The following NAALADL2 variants were observed in gnomAD, a reference collection of about 807,000 sequenced individuals.
NAALADL2 encodes inactive N-acetylated-alpha-linked acidic dipeptidase-like protein 2.
In NAALADL2, 76 loss-of-function variants were observed where a neutral mutation model predicts 87.2. The observed-to-expected ratio is 0.87, with a 90% confidence interval of 0.72 to 1.05. The LOEUF (loss-of-function observed/expected upper bound fraction) is 1.05, where lower values mean the gene tolerates loss of function less well. NAALADL2 is among the 50% of genes least tolerant of loss of function. The probability of loss-of-function intolerance (pLI) is 0.00; values close to 1 mark genes in which losing one functional copy is unlikely to be tolerated. For synonymous variants in NAALADL2, 354 were observed against 331.0 expected (o/e 1.07, Z -0.75); for missense variants, 1,089 against 945.8 (o/e 1.15, Z -1.99).
intron 3 of NAALADL2, among the ~76,000 whole-genome samples, chr3:174,756,944 A>G (rs929442460): frequency 1.3e-4 from 17 of 134,914 alleles, no homozygotes; most frequent in African/African-American, 5.3e-4. Context: ...CTTGACACCT[A>G]TAGACAAAAA....
chr3:174,474,511 C>T (rs2108316868), intron 1 of NAALADL2, among the ~76,000 whole-genome samples: 1 of 152,088 alleles, frequency 6.6e-6, no homozygotes, highest in South Asian at 2.1e-4. Flanking sequence ...GTAAACTAAC[C>T]TTAACTATAA....
chr3:174,536,887 C>T (rs1721772357), intron 1 of NAALADL2, among the ~76,000 whole-genome samples: 1 of 152,090 alleles, frequency 6.6e-6, no homozygotes, highest in African/African-American at 2.4e-5. Context: ...TTCACATTCT[C>T]TTCCCCAATA....
At chr3:175,178,984 A>T (rs1178572292) in intron 2 of NAALADL2, among the ~76,000 whole-genome samples, 2 of 152,008 alleles carry the variant, frequency 1.3e-5, no homozygotes, top group East Asian at 3.9e-4. Flanking sequence ...ATTCTTACAG[A>T]CACTCTTCAC....
At chr3:175,166,818 C>T (rs1734076151) in intron 2 of NAALADL2, among the ~76,000 whole-genome samples, 1 of 152,024 alleles carries the variant, frequency 6.6e-6, no homozygotes, top group Non-Finnish European at 1.5e-5. Flanking sequence ...TCAAACTTTG[C>T]ATTTCTGAAA....
upstream of NAALADL2, among the ~76,000 whole-genome samples, chr3:174,855,997 T>C (rs1360844874): frequency 6.7e-6 from 1 of 150,246 alleles, no homozygotes; most frequent in African/African-American, 2.5e-5. Context: ...TATATATATA[T>C]ATATATGAGA....
chr3:175,585,386 A>C (rs73171404), intron 10 of NAALADL2, among the ~76,000 whole-genome samples: 27,140 of 152,134 alleles, frequency 0.18, 2,752 homozygotes, highest in African/African-American at 0.27. Context: ...ATTCATGGTG[A>C]AGTATAATGC....
intron 10 of NAALADL2, among the ~76,000 whole-genome samples, chr3:175,593,393 T>G (rs1582545798): frequency 6.6e-6 from 1 of 152,330 alleles, no homozygotes; most frequent in South Asian, 2.1e-4. Flanking sequence ...TAAGCATATT[T>G]GTATGGCACA....
chr3:174,882,638 C>CATATGTGCATATGCAT (rs1729446054), intron 1 of NAALADL2, among the ~76,000 whole-genome samples: 1 of 81,290 alleles, frequency 1.2e-5, no homozygotes, highest in Non-Finnish European at 2.4e-5. Context: ...TGCATATACA[C>CATATGTGCATATGCAT]ATATGTGCAT....
chr3:175,642,633 T>C (rs1188967014), intron 11 of NAALADL2, among the ~76,000 whole-genome samples: 2 of 152,096 alleles, frequency 1.3e-5, no homozygotes, highest in Non-Finnish European at 2.9e-5. Context: ...CCCGAGTAGC[T>C]GGAACTACAG....
chr3:174,889,291 A>G (rs1375033295), intron 1 of NAALADL2, among the ~76,000 whole-genome samples: 4 of 152,158 alleles, frequency 2.6e-5, no homozygotes, highest in African/African-American at 4.8e-5. Flanking sequence ...CTGTTAGTCT[A>G]TTAGGCAATA....
intron 9 of NAALADL2, among the ~76,000 whole-genome samples, chr3:175,568,439 G>T (rs1189314506): frequency 6.6e-6 from 1 of 152,090 alleles, no homozygotes; most frequent in South Asian, 2.1e-4. Flanking sequence ...AAAGACCCAT[G>T]GAATCCTAAA....
At chr3:175,730,469 C>T (rs1442914502) in intron 11 of NAALADL2, among the ~76,000 whole-genome samples, 5 of 133,032 alleles carry the variant, frequency 3.8e-5, no homozygotes, top group East Asian at 2.4e-4. Flanking sequence ...CACACACACA[C>T]GTGTGTGTGT....
At chr3:175,558,781 T>C (rs996903589) in intron 9 of NAALADL2, among the ~76,000 whole-genome samples, 4 of 152,176 alleles carry the variant, frequency 2.6e-5, no homozygotes, top group African/African-American at 9.6e-5. Context: ...CCACTGATCT[T>C]TGTGTCTGTT....
At chr3:174,714,747 G>A (rs1469455317) in intron 2 of NAALADL2, among the ~76,000 whole-genome samples, 1 of 152,036 alleles carries the variant, frequency 6.6e-6, no homozygotes. Flanking sequence ...CTGCAAACAG[G>A]GACAATTTGA....
chr3:175,380,602 C>T (rs1417560781), intron 5 of NAALADL2, among the ~76,000 whole-genome samples: 4 of 152,130 alleles, frequency 2.6e-5, no homozygotes, highest in Non-Finnish European at 5.9e-5. Context: ...CAAACTTTTT[C>T]ATAGGTAAGC....
intron 5 of NAALADL2, among the ~76,000 whole-genome samples, chr3:175,410,919 G>T (rs1713392905): frequency 6.6e-6 from 1 of 152,158 alleles, no homozygotes; most frequent in African/African-American, 2.4e-5. Context: ...AGAACTGAGG[G>T]TGAAGGTAAT....
intron 1 of NAALADL2, among the ~76,000 whole-genome samples, chr3:175,056,605 G>A (rs1296821427): frequency 6.6e-6 from 1 of 152,140 alleles, no homozygotes; most frequent in African/African-American, 2.4e-5. Context: ...TGGGAAATCA[G>A]GGGTCTTATA....
At chr3:174,596,968 C>A (rs1362238009) in intron 2 of NAALADL2, among the ~76,000 whole-genome samples, 3 of 152,144 alleles carry the variant, frequency 2.0e-5, no homozygotes, top group African/African-American at 7.2e-5. Context: ...TTTATGATTT[C>A]TCTAGTTCAG....
rs142937091 is a variant in NAALADL2, at chr3:174,499,117, G to A, written c.-183-51452G>A. Reference sequence around the variant, plus strand: ...TATAGGCATGTATATATAGGAAAATGTATATGTAGGATTTGGTACTATTTG... The same window carrying A: ...TATAGGCATGTATATATAGGAAAATATATATGTAGGATTTGGTACTATTTG... On this transcript the variant is annotated intron_variant, in intron 1 of 3. Transcript: ENST00000434257. 2.4e-3 allele frequency among the ~76,000 whole-genome samples: 359 copies of A among 152,134 alleles called. 3 individuals are homozygous for A. The highest frequency in any genetic ancestry group is 8.3e-3 in the African/African-American group (346 of 41,548).
Sources: gnomAD v4.1 joint callset for allele counts (sites outside exome capture counted in the v4.1 genomes callset) on GRCh38, gnomAD v4.1.1 for gene constraint, MANE v1.5 for transcripts, NCBI Gene and HGNC (gene_info 2026-07-23, HGNC 2026-07-21) for gene names.